The following PTPRG variants were observed in gnomAD, a reference collection of about 807,000 sequenced individuals.
PTPRG encodes protein tyrosine phosphatase receptor type G.
Under a neutral mutation model 165.3 loss-of-function variants are expected in PTPRG, and 102 were observed. The observed-to-expected ratio is 0.62, with a 90% CI of 0.53 to 0.73. The LOEUF (loss-of-function observed/expected upper bound fraction) is 0.73, where lower values mean the gene tolerates loss of function less well. Ranked by LOEUF, PTPRG falls within the 30% of genes least tolerant of loss-of-function variation. The pLI is 0.00. For synonymous variants in PTPRG, 675 were observed against 669.5 expected, an observed-to-expected ratio of 1.01 and a Z score of -0.13; for missense variants, 1,866 against 1,861.4, an observed-to-expected ratio of 1.00 and a Z score of -0.05.
chr3:62,034,342 T>C (rs1355252651), intron 4 of PTPRG, among the ~76,000 whole-genome samples: 1 of 152,226 alleles, frequency 6.6e-6, no homozygotes, highest in Admixed American at 6.5e-5. Flanking sequence ...AAACCTGCGG[T>C]GTTGGTATTA....
At chr3:61,883,809 T>A (rs2037954978) in intron 2 of PTPRG, among the ~76,000 whole-genome samples, 1 of 152,110 alleles carries the variant, frequency 6.6e-6, no homozygotes, top group Non-Finnish European at 1.5e-5. Context: ...CTCTCAGGCT[T>A]AAGCAATCCT....
Position 61,939,928 on chromosome 3 carries a change from C to CTTTTTTTTTTTTTTTTT in PTPRG, c.191-49677_191-49661dup, listed in dbSNP as rs561334410. Among the ~76,000 whole-genome samples, 11 of 39,142 alleles carry CTTTTTTTTTTTTTTTTT rather than the reference C, an allele frequency of 2.8e-4. 4 individuals are homozygous for CTTTTTTTTTTTTTTTTT. The highest frequency in any genetic ancestry group is 4.5e-4 in the African/African-American group (5 of 11,094). 25.7% of individuals were successfully genotyped at this position (39,142 alleles called of 152,430 possible). A position where few individuals can be genotyped will look rare whatever the true frequency, so the allele number is the denominator to read the frequency against. Reference sequence around the variant, plus strand: ...TGTCTTGGCTTCCTTACTGACTTGTCTTTTTTTTTTTTTTTTTTTTTTTTT... The same window carrying CTTTTTTTTTTTTTTTTT: ...TGTCTTGGCTTCCTTACTGACTTGTCTTTTTTTTTTTTTTTTTTTTTTTTTTTTTTTTTTTTTTTTTT... On this transcript the variant is annotated intron_variant, in intron 2 of 29. Transcript: ENST00000474889.
intron 2 of PTPRG, among the ~76,000 whole-genome samples, chr3:61,766,965 C>T (rs2034039484): frequency 6.6e-6 from 1 of 151,650 alleles, no homozygotes; most frequent in African/African-American, 2.4e-5. Flanking sequence ...AGAATTAGGA[C>T]AGGAGCACTG....
At chr3:62,061,864 G>A (rs1262713447) in intron 4 of PTPRG, among the ~76,000 whole-genome samples, 7 of 151,448 alleles carry the variant, frequency 4.6e-5, no homozygotes, top group African/African-American at 1.5e-4. Flanking sequence ...TCATGACGTC[G>A]GGTGATCTGC....
At chr3:61,643,289 G>GAGAGAC (rs1553643662) in intron 1 of PTPRG, among the ~76,000 whole-genome samples, 1 of 151,970 alleles carries the variant, frequency 6.6e-6, no homozygotes, top group African/African-American at 2.4e-5. Context: ...GAGAGAGAGA[G>GAGAGAC]AGAGACAGAG....
chr3:61,936,210 G>C (rs1250736599), intron 2 of PTPRG, among the ~76,000 whole-genome samples: 5 of 152,206 alleles, frequency 3.3e-5, no homozygotes, highest in African/African-American at 1.2e-4. Context: ...ATAGATTTCT[G>C]TTCTTTATCA....
chr3:61,924,590 A>G (rs1284958320), intron 2 of PTPRG, among the ~76,000 whole-genome samples: 1 of 152,222 alleles, frequency 6.6e-6, no homozygotes, highest in Non-Finnish European at 1.5e-5. Flanking sequence ...AGTGAACAAG[A>G]CAGCTATGGA....
chr3:62,194,319 T>C (rs1699907134), intron 9 of PTPRG, among the ~76,000 whole-genome samples: 1 of 152,204 alleles, frequency 6.6e-6, no homozygotes, highest in South Asian at 2.1e-4. Context: ...GCCTATGTTA[T>C]GTAATTCTCA....
At chr3:61,783,348 A>T (rs2034600177) in intron 2 of PTPRG, among the ~76,000 whole-genome samples, 1 of 152,116 alleles carries the variant, frequency 6.6e-6, no homozygotes, top group Non-Finnish European at 1.5e-5. Context: ...CAAAAGAAAA[A>T]AGTGTATTTA....
At chr3:61,720,303 T>C (rs1440953653) in intron 1 of PTPRG, among the ~76,000 whole-genome samples, 1 of 152,110 alleles carries the variant, frequency 6.6e-6, no homozygotes, top group East Asian at 1.9e-4. Flanking sequence ...TTTGTATTTT[T>C]AGGAGAGGTG....
chr3:61,978,717 G>A (rs9853400), intron 2 of PTPRG, among the ~76,000 whole-genome samples: 70,187 of 152,030 alleles, frequency 0.46, 17,008 homozygotes, highest in African/African-American at 0.63. Flanking sequence ...TTCTGTAAGG[G>A]CAGATGATAA....
chr3:62,292,348 G>T, intron 28 of PTPRG, 73 bp from the exon 29 acceptor site: 1 of 1,447,388 alleles, frequency 6.9e-7, no homozygotes, highest in South Asian at 1.3e-5. Flanking sequence ...GAAAATACAT[G>T]ACAGTAATTT....
chr3:61,998,703 C>T (rs1432637137), intron 3 of PTPRG, among the ~76,000 whole-genome samples: 1 of 152,144 alleles, frequency 6.6e-6, no homozygotes, highest in Non-Finnish European at 1.5e-5. Flanking sequence ...GTTAAGAAAC[C>T]CTGAATTTGA....
rs139404097 is a variant in PTPRG at position 61,980,455 on chromosome 3, C to T, written c.191-9170C>T. On this transcript the variant is annotated intron_variant, in intron 2 of 29. Transcript: ENST00000474889. ...AGATCTTTAAAACCTTAGCCAAGTT[C>T]GTCCTTCTCTTATAGGGAAAGAAGA... Among the ~76,000 whole-genome samples, 57 of 152,210 alleles carry T rather than the reference C, an allele frequency of 3.7e-4. No individual in the cohort carries two copies. In the East Asian group the frequency reaches 6.6e-3, roughly 18 times the overall value.
chr3:61,797,632 G>A (rs1208262618), intron 2 of PTPRG, among the ~76,000 whole-genome samples: 1 of 119,100 alleles, frequency 8.4e-6, no homozygotes, highest in East Asian at 2.5e-4. Context: ...CAAGATTTTT[G>A]GTTTTTCAGG....
chr3:61,693,305 T>A (rs188698398), intron 1 of PTPRG, among the ~76,000 whole-genome samples: 134 of 152,330 alleles, frequency 8.8e-4, no homozygotes, highest in African/African-American at 3.0e-3. Flanking sequence ...ATAATATATT[T>A]TATGTAAGAG....
intron 1 of PTPRG, among the ~76,000 whole-genome samples, chr3:61,602,917 C>T (rs1486149777): frequency 3.3e-5 from 5 of 152,332 alleles, no homozygotes; most frequent in African/African-American, 9.6e-5. Flanking sequence ...TCAAGCTCAA[C>T]ACTTCCTAAT....
At chr3:62,070,199 G>A (rs984978356) in intron 4 of PTPRG, among the ~76,000 whole-genome samples, 1 of 152,140 alleles carries the variant, frequency 6.6e-6, no homozygotes, top group Non-Finnish European at 1.5e-5. Context: ...ACTTTCTTGT[G>A]AATTAAAGAG....
chr3:61,581,052 T>C (rs1700282634), intron 1 of PTPRG, among the ~76,000 whole-genome samples: 1 of 152,220 alleles, frequency 6.6e-6, no homozygotes, highest in Non-Finnish European at 1.5e-5. Context: ...CTTGGTCCAT[T>C]CTGATGTTTT....
Sources: gnomAD v4.1 joint callset for allele counts (sites outside exome capture counted in the v4.1 genomes callset) on GRCh38, gnomAD v4.1.1 for gene constraint, MANE v1.5 for transcripts, NCBI Gene and HGNC (gene_info 2026-07-23, HGNC 2026-07-21) for gene names.